The following IRAK1BP1 variants were observed in gnomAD, a reference collection of about 807,000 sequenced individuals.
The protein encoded by IRAK1BP1 is interleukin 1 receptor associated kinase 1 binding protein 1, also known as interleukin-1 receptor-associated kinase 1-binding protein 1.
Under a neutral mutation model 28.0 loss-of-function variants are expected in IRAK1BP1, and 24 were observed. That is an observed-to-expected ratio of 0.86 (90% CI 0.62 to 1.20). The LOEUF (loss-of-function observed/expected upper bound fraction) is 1.20. Ranked by LOEUF, IRAK1BP1 falls within the 50% of genes most tolerant of loss-of-function variation. The probability of loss-of-function intolerance (pLI) is 0.00; values close to 1 mark genes in which losing one functional copy is unlikely to be tolerated. For synonymous variants in IRAK1BP1, 131 were observed against 116.3 expected, an observed-to-expected ratio of 1.13 and a Z score of -0.81; for missense variants, 336 against 316.7, an observed-to-expected ratio of 1.06 and a Z score of -0.46.
chr6:78,929,926 GAC>G lies in IRAK1BP1; in HGVS notation c.*68-15478_*68-15477del, dbSNP rs549705298. On this transcript the variant is annotated intron_variant and NMD_transcript_variant, in intron 4 of 4. Transcript: ENST00000606868. ...TTCAAATAAATTGAATCATAATTCT[GAC>G]ACAGTTTTTTTTTGTTTTCGTTTTT... Among the ~76,000 whole-genome samples, 86 of 64,172 alleles carry G rather than the reference GAC, an allele frequency of 1.3e-3. 1 individual carries two copies. The highest frequency in any genetic ancestry group is 5.0e-3 in the African/African-American group (84 of 16,662). The allele number at this position is 64,172 out of a possible 152,430, so 42.1% of individuals were successfully genotyped here.
chr6:78,930,551 CTTG>C (rs1229870971), intron 4 of IRAK1BP1, among the ~76,000 whole-genome samples: 28 of 152,100 alleles, frequency 1.8e-4, no homozygotes, highest in African/African-American at 5.3e-4. Context: ...CTCTGTGAAA[CTTG>C]TTATTTTCAT....
chr6:78,897,751 T>A (rs1197000560), intron 2 of IRAK1BP1, 78 bp from the exon 3 acceptor site: 3 of 1,301,082 alleles, frequency 2.3e-6, no homozygotes, highest in Non-Finnish European at 3.2e-6. Context: ...CTGGCTATAC[T>A]TTTTTTACTT....
intron 4 of IRAK1BP1, among the ~76,000 whole-genome samples, chr6:78,922,114 T>G (rs1203660903): frequency 1.3e-5 from 2 of 152,100 alleles, no homozygotes; most frequent in African/African-American, 4.8e-5. Flanking sequence ...CTTCAGATGA[T>G]CAAATTACTC....
At chr6:78,873,588 C>T (rs559073777) in intron 1 of IRAK1BP1, among the ~76,000 whole-genome samples, 37 of 152,172 alleles carry the variant, frequency 2.4e-4, no homozygotes, top group Non-Finnish European at 5.0e-4. Context: ...AAGCTATCCT[C>T]CCACCTCAGC....
At chr6:78,922,564 T>C (rs1437382364) in intron 4 of IRAK1BP1, among the ~76,000 whole-genome samples, 1 of 152,038 alleles carries the variant, frequency 6.6e-6, no homozygotes, top group African/African-American at 2.4e-5. Flanking sequence ...ATTCAGGAAA[T>C]ACAGAGAGTG....
downstream of IRAK1BP1, chr6:78,947,536 C>A: frequency 1.5e-6 from 1 of 647,444 alleles, no homozygotes. Flanking sequence ...TAACTTTGAC[C>A]TAAATTTTAA....
chr6:78,965,600 T>A, the IRAK1BP1 span: 1 of 677,262 alleles, frequency 1.5e-6, no homozygotes, highest in Non-Finnish European at 2.6e-6. Context: ...TGTTTTCTAT[T>A]TGATACTCAC....
At chr6:78,957,807 TTAAGA>T in the IRAK1BP1 span, 18 of 152,082 alleles carry the variant, frequency 1.2e-4, no homozygotes, top group South Asian at 1.4e-3. Flanking sequence ...CATAAAATCC[TTAAGA>T]TAAGGAAGGG....
At chr6:78,970,535 CT>C in the IRAK1BP1 span, among the ~76,000 whole-genome samples, 1 of 152,112 alleles carries the variant, frequency 6.6e-6, no homozygotes, top group South Asian at 2.1e-4. Context: ...GACTTATTAC[CT>C]AATTTTCACT....
chr6:78,893,280 ATGTGTG>A (rs1201997078), intron 2 of IRAK1BP1, among the ~76,000 whole-genome samples: 1 of 114,584 alleles, frequency 8.7e-6, no homozygotes, highest in African/African-American at 2.9e-5. Flanking sequence ...GTGTATATAT[ATGTGTG>A]TATATATGTG....
chr6:78,976,276 AG>A, the IRAK1BP1 span, among the ~76,000 whole-genome samples: 20 of 149,660 alleles, frequency 1.3e-4, no homozygotes, highest in African/African-American at 4.9e-4. Flanking sequence ...CAATGGGAAA[AG>A]GATTCCCTAT....
intron 4 of IRAK1BP1, among the ~76,000 whole-genome samples, chr6:78,933,323 ACAT>A (rs1467293518): frequency 6.6e-6 from 1 of 152,184 alleles, no homozygotes; most frequent in East Asian, 1.9e-4. Flanking sequence ...CTTTCCTTAA[ACAT>A]CATGAACCAG....
At chr6:78,977,533 T>C in the IRAK1BP1 span, among the ~76,000 whole-genome samples, 1 of 152,000 alleles carries the variant, frequency 6.6e-6, no homozygotes, top group Admixed American at 6.6e-5. Flanking sequence ...AAAAATACCA[T>C]TATTGCTCCA....
In IRAK1BP1 at chr6:78,898,798, A is replaced by G. The variant is rs1373663594; in HGVS notation, c.*464A>G. The G allele has an allele frequency of 1.3e-5, 2 of 152,142 alleles. No individual in the cohort carries two copies. The highest frequency in any genetic ancestry group is 1.3e-4 in the Admixed American group (2 of 15,266). 9.4% of individuals were successfully genotyped at this position (152,142 alleles called of 1,614,324 possible). On this transcript the variant is annotated 3_prime_UTR_variant, in exon 4 of 4. Coordinates refer to ENST00000369940, the MANE Select transcript of IRAK1BP1 (RefSeq NM_001010844.4). ...AAAATTTTTATGGAAAAGAATTCCT[A>G]TATCCCATCAAACCTAATAATTTTC... is the stretch of plus-strand genomic sequence containing the variant.
chr6:78,938,913 T>C (rs1231029888), intron 4 of IRAK1BP1: 1 of 151,674 alleles, frequency 6.6e-6, no homozygotes, highest in Non-Finnish European at 1.5e-5. Flanking sequence ...TCAGAAATAA[T>C]TATGTAATGT....
At chr6:78,883,727 A>G (rs1226446338) in intron 1 of IRAK1BP1, among the ~76,000 whole-genome samples, 1 of 152,194 alleles carries the variant, frequency 6.6e-6, no homozygotes, top group Non-Finnish European at 1.5e-5. Flanking sequence ...TGGTCCAAAA[A>G]TATTAAATGT....
chr6:78,978,654 A>G, the IRAK1BP1 span: 2 of 1,598,412 alleles, frequency 1.3e-6, no homozygotes, highest in Non-Finnish European at 1.7e-6. Flanking sequence ...ATCCATGTTG[A>G]TGGCAACCAT....
At chr6:78,883,812 C>T (rs1771314606) in intron 1 of IRAK1BP1, among the ~76,000 whole-genome samples, 1 of 152,114 alleles carries the variant, frequency 6.6e-6, no homozygotes, top group East Asian at 1.9e-4. Context: ...CTGTGTCCTG[C>T]TCCGTCCCAC....
intron 4 of IRAK1BP1, chr6:78,939,885 AATAT>A (rs1773400648): frequency 6.6e-6 from 1 of 152,518 alleles, no homozygotes; most frequent in South Asian, 2.1e-4. Flanking sequence ...TGCTCTTTAG[AATAT>A]ATAGCCTTTC....
Sources: gnomAD v4.1 joint callset for allele counts (sites outside exome capture counted in the v4.1 genomes callset) on GRCh38, gnomAD v4.1.1 for gene constraint, MANE v1.5 for transcripts, NCBI Gene and HGNC (gene_info 2026-07-23, HGNC 2026-07-21) for gene names.